Variants in ANO2 observed in about 807,000 individuals in gnomAD.
ANO2 encodes the protein anoctamin 2.
A neutral mutation model predicts 124.2 loss-of-function variants in ANO2; 101 were observed. The ratio of observed to expected loss-of-function variants is 0.81; its 90% CI spans 0.69 to 0.96. The LOEUF (loss-of-function observed/expected upper bound fraction) is 0.96. Ranked by LOEUF, ANO2 falls within the 40% of genes least tolerant of loss-of-function variation. The pLI, the probability that ANO2 is intolerant of heterozygous loss-of-function variation, is 0.00. For synonymous variants in ANO2, 486 were observed against 482.5 expected (o/e 1.01, Z -0.09); for missense variants, 1,293 against 1,274.5 (o/e 1.01, Z -0.22).
At chr12:5,733,424 T>C (rs376959950) in intron 13 of ANO2, among the ~76,000 whole-genome samples, 2 of 152,208 alleles carry the variant, frequency 1.3e-5, no homozygotes, top group African/African-American at 2.4e-5. Context: ...CCTGGCCTCA[T>C]TGGCAGGTCT....
At chr12:5,844,790 T>G (rs1954626979) in intron 4 of ANO2, among the ~76,000 whole-genome samples, 1 of 152,116 alleles carries the variant, frequency 6.6e-6, no homozygotes, top group Admixed American at 6.6e-5. Flanking sequence ...TCATAGGTGT[T>G]CAAGTGTTCA....
chr12:5,642,742 C>T (rs972529296), intron 15 of ANO2, among the ~76,000 whole-genome samples: 2 of 152,136 alleles, frequency 1.3e-5, no homozygotes, highest in East Asian at 3.9e-4. Context: ...GTCTCCAGGG[C>T]CCTACCTACA....
chr12:5,822,883 G>C (rs1481947697), intron 7 of ANO2, among the ~76,000 whole-genome samples: 1 of 152,186 alleles, frequency 6.6e-6, no homozygotes, highest in Non-Finnish European at 1.5e-5. Flanking sequence ...CATGGAGGGA[G>C]GCACTTCTTA....
chr12:5,799,801 T>C (rs1435120863), intron 9 of ANO2, among the ~76,000 whole-genome samples: 1 of 152,164 alleles, frequency 6.6e-6, no homozygotes, highest in Admixed American at 6.5e-5. Flanking sequence ...TGCACCTGAT[T>C]AGCAGAACCC....
In ANO2 at chr12:5,851,803, G is replaced by C. The variant is rs897769302; in HGVS notation, c.633+2240C>G. On this transcript the variant is annotated intron_variant, in intron 4 of 24. Transcript: ENST00000682330. The stretch of plus-strand genomic sequence containing the variant: ...GAAGGAAGAGAGAAGAGAAGGAAAA[G>C]AATGAGAGTAGAAAGACGGGAAGGA... Among the ~76,000 whole-genome samples, 16 of 152,000 alleles carry C rather than the reference G, an allele frequency of 1.1e-4. 1 individual carries two copies. The highest frequency in any genetic ancestry group is 1.5e-5 in the Non-Finnish European group (1 of 68,002).
chr12:5,774,035 C>T (rs1191602909), intron 10 of ANO2, among the ~76,000 whole-genome samples: 1 of 152,182 alleles, frequency 6.6e-6, no homozygotes, highest in East Asian at 1.9e-4. Context: ...CACATCCTTC[C>T]AAACTGAAAA....
intron 24 of ANO2, among the ~76,000 whole-genome samples, chr12:5,563,861 C>T (rs961856188): frequency 2.0e-5 from 3 of 152,232 alleles, no homozygotes; most frequent in Non-Finnish European, 4.4e-5. Context: ...TCTCCCCTTC[C>T]CCAGGACTTG....
In ANO2 at chr12:5,665,869, C is replaced by G. The variant is rs373144652; in HGVS notation, c.1546-18068G>C. On this transcript the variant is annotated intron_variant, in intron 14 of 24. Transcript: ENST00000682330. ...GTACCACAGGGTACAGAGCCACCCC[C>G]CTGTGCCACTGGCTGGGGGATTTTT... Among the ~76,000 whole-genome samples, 19 of 152,236 alleles carry G rather than the reference C, an allele frequency of 1.2e-4. No homozygotes were observed. The East Asian group carries it at 2.7e-3, about 22-fold the overall frequency.
intron 14 of ANO2, among the ~76,000 whole-genome samples, chr12:5,683,912 GTC>G (rs143611089): frequency 0.062 from 9,459 of 152,064 alleles, 391 homozygotes; most frequent in African/African-American, 0.11. Flanking sequence ...AAGCTGTCTT[GTC>G]TCCCCTCCTA....
intron 22 of ANO2, among the ~76,000 whole-genome samples, chr12:5,576,388 T>C (rs767378420): frequency 4.6e-5 from 7 of 152,334 alleles, no homozygotes; most frequent in African/African-American, 9.6e-5. Flanking sequence ...ATGAGGGTAC[T>C]ACGTAAGTGT....
In ANO2 at chr12:5,744,149, C is replaced by T. The variant is rs1469463403; in HGVS notation, c.1351+8G>A. On this transcript the variant is annotated splice_region_variant and intron_variant, in intron 12 of 24. Transcript: ENST00000682330. Reference sequence around the variant, plus strand: ...CCCATATAAGCAAGCCTGGTGATGGCCACATACCCCACAGAGCCATGAAGA... The same window carrying T: ...CCCATATAAGCAAGCCTGGTGATGGTCACATACCCCACAGAGCCATGAAGA... The T allele has an allele frequency of 6.2e-7, 1 of 1,613,188 alleles. No individual in the cohort carries two copies. The highest frequency in any genetic ancestry group is 1.7e-5 in the Admixed American group (1 of 60,012).
chr12:5,876,588 C>T (rs936627620), intron 3 of ANO2, among the ~76,000 whole-genome samples: 5 of 152,178 alleles, frequency 3.3e-5, no homozygotes, highest in Non-Finnish European at 7.3e-5. Context: ...CCCAAATGCC[C>T]ATCAATGATA....
intron 1 of ANO2, among the ~76,000 whole-genome samples, chr12:5,936,563 T>G (rs1213131307): frequency 6.6e-6 from 1 of 152,232 alleles, no homozygotes; most frequent in African/African-American, 2.4e-5. Flanking sequence ...TGCTGACACC[T>G]TGATCCTGGA....
intron 3 of ANO2, among the ~76,000 whole-genome samples, chr12:5,915,044 T>A (rs1941300282): frequency 6.6e-6 from 1 of 152,134 alleles, no homozygotes; most frequent in Non-Finnish European, 1.5e-5. Flanking sequence ...TACAGGAAAC[T>A]CTCTGGACGC....
chr12:5,614,570 C>T (rs1260958328), intron 17 of ANO2, among the ~76,000 whole-genome samples: 3 of 152,186 alleles, frequency 2.0e-5, no homozygotes, highest in Non-Finnish European at 4.4e-5. Flanking sequence ...CTAAACCTGG[C>T]TCTATATGTC....
At chr12:5,786,109 G>A (rs1484962954) in intron 10 of ANO2, among the ~76,000 whole-genome samples, 1 of 152,150 alleles carries the variant, frequency 6.6e-6, no homozygotes, top group Non-Finnish European at 1.5e-5. Context: ...TGCTTCCAAT[G>A]GATGAAGTCT....
intron 14 of ANO2, among the ~76,000 whole-genome samples, chr12:5,713,465 T>C (rs568389438): frequency 6.6e-6 from 1 of 152,312 alleles, no homozygotes; most frequent in African/African-American, 2.4e-5. Context: ...AGCAGAGGGC[T>C]AAGTGATGGT....
At chr12:5,888,302 A>G (rs1330344788) in intron 3 of ANO2, among the ~76,000 whole-genome samples, 1 of 152,126 alleles carries the variant, frequency 6.6e-6, no homozygotes, top group Non-Finnish European at 1.5e-5. Context: ...GGTGAGCGTT[A>G]CAGCTCATAA....
chr12:5,744,298 G>T lies in ANO2; in HGVS notation c.1210C>A (p.Gln404Lys), dbSNP rs543098565. The change falls in exon 12 of 25, where the codon CAG (glutamine) becomes AAG (lysine). Residue 404 changes from glutamine (Q) to lysine (K), a missense_variant. Transcript: ENST00000682330. ...DIPSREMCDQ[Q>K]NAFTMCPLCD... ...AGGGGACACATGGTGAAGGCATTCT[G>T]CTGGTCACACATCTCTCTGCTGCAA... is the stretch of plus-strand genomic sequence containing the variant. 4.6e-5 allele frequency: 75 copies of T among 1,614,000 alleles called. No homozygotes were observed. The highest frequency in any genetic ancestry group is 3.3e-4 in the Middle Eastern group (2 of 6,060).
Sources: gnomAD v4.1 joint callset for allele counts (sites outside exome capture counted in the v4.1 genomes callset) on GRCh38, gnomAD v4.1.1 for gene constraint, MANE v1.5 for transcripts, NCBI Gene and HGNC (gene_info 2026-07-23, HGNC 2026-07-21) for gene names.